The following CMYA5 variants were observed in gnomAD, a reference collection of about 807,000 sequenced individuals.
CMYA5 encodes cardiomyopathy associated 5.
Under a neutral mutation model 318.9 loss-of-function variants are expected in CMYA5, and 246 were observed. The observed-to-expected ratio is 0.77, with a 90% CI of 0.70 to 0.86. The LOEUF is 0.86. Among genes scored for constraint, CMYA5 ranks in the 40% least tolerant of loss-of-function variants. CMYA5 has a pLI of 0.00. For missense variants in CMYA5, 4,589 were observed against 4,678.2 expected (o/e 0.98, Z 0.56); for synonymous variants, 1,641 against 1,729.5 (o/e 0.95, Z 1.27).
chr5:79,790,916 G>T, intron 10 of CMYA5, 54 bp from the exon 11 acceptor site: 1 of 1,208,514 alleles, frequency 8.3e-7, no homozygotes, highest in South Asian at 1.3e-5. Flanking sequence ...TTAGCCTAGG[G>T]ACAGCACTGG....
Position 79,689,990 on chromosome 5 carries a change from C to A in CMYA5, c.83C>A (p.Thr28Asn). Residue 28 changes from threonine to asparagine, a missense_variant, in exon 1 of 13, where the codon ACC becomes AAC. Thr to Asn is a moderately conservative substitution (Grantham distance 65). Around this residue, in one of 3 missense-constraint regions of CMYA5, gnomAD observed 2,132 missense variants for 2,131.3 expected, o/e 1.00. Transcript: ENST00000446378. Reference sequence around the variant, plus strand: ...GAGGAGGCGACCCGGGAGCTGGAGACCGAGGAGGAGTCGGAGGGCGAGGAG... The same window carrying A: ...GAGGAGGCGACCCGGGAGCTGGAGAACGAGGAGGAGTCGGAGGGCGAGGAG... ...GDEEATRELE[T>N]EEESEGEEDE... 1 of 1,437,852 alleles carries A rather than the reference C, an allele frequency of 7.0e-7. No homozygotes were observed. The highest frequency in any genetic ancestry group is 9.5e-7 in the Non-Finnish European group (1 of 1,058,020). The allele number at this position is 1,437,852 out of a possible 1,614,324, so 89.1% of individuals were successfully genotyped here.
intron 1 of CMYA5, among the ~76,000 whole-genome samples, chr5:79,694,610 A>G (rs942080491): frequency 7.9e-5 from 12 of 152,274 alleles, no homozygotes; most frequent in African/African-American, 2.9e-4. Context: ...TCTATAAAAC[A>G]GGTCTGTCTA....
intron 6 of CMYA5, among the ~76,000 whole-genome samples, chr5:79,757,381 G>T (rs572417586): frequency 2.0e-4 from 30 of 152,188 alleles, no homozygotes; most frequent in Admixed American, 1.7e-3. Context: ...AAGTTTCTAG[G>T]AAAACATCCA....
At chr5:79,717,667 G>A (rs1220487283) in intron 1 of CMYA5, among the ~76,000 whole-genome samples, 3 of 152,194 alleles carry the variant, frequency 2.0e-5, no homozygotes, top group East Asian at 3.9e-4. Flanking sequence ...AATAGTAGAG[G>A]GCCCTAACTT....
At chr5:79,740,862 T>G (rs186438954) in intron 2 of CMYA5, among the ~76,000 whole-genome samples, 1 of 152,232 alleles carries the variant, frequency 6.6e-6, no homozygotes, top group African/African-American at 2.4e-5. Context: ...ATGCACTATT[T>G]TTTTGTTTTT....
At chr5:79,762,086 C>G in intron 8 of CMYA5, 129 bp downstream of exon 8, 1 of 1,050,966 alleles carries the variant, frequency 9.5e-7, no homozygotes, top group Non-Finnish European at 1.3e-6. Context: ...GCTGGTTATA[C>G]AACGATGACT....
Position 79,735,317 on chromosome 5 carries a change from C to T in CMYA5, c.6552C>T (p.Ser2184=), listed in dbSNP as rs1580772907. 6 of 1,613,802 alleles carry T rather than the reference C, an allele frequency of 3.7e-6. No homozygotes were observed. The East Asian group carries it at 1.3e-4, about 36-fold the overall frequency. Residue 2184 remains serine (S), a synonymous_variant, in exon 2 of 13, where the codon AGC becomes AGT. Coordinates refer to ENST00000446378, the MANE Select transcript of CMYA5 (RefSeq NM_153610.5). ...GISSFKSWMS[S]LFFGSSTPDN... is the part of the protein sequence containing the mutation. ...CATCTTTCAAATCGTGGATGTCCAG[C>T]TTGTTTTTTGGATCGAGCACTCCAG...
chr5:79,721,255 G>A (rs1244186573), intron 1 of CMYA5, among the ~76,000 whole-genome samples: 2 of 152,136 alleles, frequency 1.3e-5, no homozygotes, highest in African/African-American at 4.8e-5. Context: ...AAGCTAAGGT[G>A]AGAGAATTGC....
intron 1 of CMYA5, among the ~76,000 whole-genome samples, chr5:79,702,935 A>C (rs920323817): frequency 2.6e-5 from 4 of 152,104 alleles, no homozygotes; most frequent in African/African-American, 9.7e-5. Flanking sequence ...CTGCACATCT[A>C]TTTCTTTCCT....
At chr5:79,795,845 A>G (rs1043236813) in intron 12 of CMYA5, among the ~76,000 whole-genome samples, 15 of 152,144 alleles carry the variant, frequency 9.9e-5, no homozygotes, top group African/African-American at 3.6e-4. Flanking sequence ...CAGTTCCAAG[A>G]TCGTGCAAGT....
intron 9 of CMYA5, among the ~76,000 whole-genome samples, chr5:79,775,268 C>T (rs1580801204): frequency 1.3e-5 from 2 of 152,162 alleles, no homozygotes; most frequent in Non-Finnish European, 2.9e-5. Flanking sequence ...ACTTTGATCA[C>T]GTACAACACC....
chr5:79,787,443 C>T (rs958155348), intron 9 of CMYA5, among the ~76,000 whole-genome samples: 9 of 152,132 alleles, frequency 5.9e-5, no homozygotes, highest in African/African-American at 2.2e-4. Context: ...ACATCTACCC[C>T]AGAATAATAT....
At position 79,735,748 on chromosome 5, in the gene CMYA5, T is replaced by C. The variant is rs200427984; in HGVS notation, c.6983T>C (p.Val2328Ala). Residue 2328 changes from valine (V) to alanine (A), a missense_variant, in exon 2 of 13, where the codon GTT becomes GCT. Val to Ala is a moderately conservative substitution (Grantham distance 64, BLOSUM62 0). This residue lies in a region of CMYA5 where 2,431 missense variants were observed against 2,495.1 expected (regional missense o/e 0.97). Transcript: ENST00000446378. ...TATTCACTAATCGGTGAGAAATTGG[T>C]TATGGAAGAAGCCAAAACTATTGTT... Reference protein sequence around the residue: ...QSYSLIGEKLVMEEAKTIVPP... With the variant: ...QSYSLIGEKLAMEEAKTIVPP... 71 of 1,584,848 alleles carry C rather than the reference T, an allele frequency of 4.5e-5. 1 individual carries two copies. The African/African-American group carries it at 9.1e-4, about 20-fold the overall frequency.
rs187782967 is a variant in CMYA5 at position 79,715,761 on chromosome 5, T to G, written c.150-13154T>G. Among the ~76,000 whole-genome samples, 9 of 152,330 alleles carry G rather than the reference T, an allele frequency of 5.9e-5. No individual in the cohort carries two copies. In the East Asian group the frequency reaches 1.7e-3, roughly 29 times the overall value. On this transcript the variant is annotated intron_variant, in intron 1 of 12. Transcript: ENST00000446378. ...GCATTTCCTTTAAGAATACCAACTT[T>G]TATCTTTTTTGCATAATCTGGTTCA... is the stretch of plus-strand genomic sequence containing the variant.
Position 79,735,096 on chromosome 5 carries a change from A to G in CMYA5, c.6331A>G (p.Lys2111Glu), listed in dbSNP as rs754921443. 9 of 1,613,718 alleles carry G rather than the reference A, an allele frequency of 5.6e-6. No homozygotes were observed. The highest frequency in any genetic ancestry group is 1.7e-5 in the Admixed American group (1 of 59,966). The part of the protein sequence containing the change: ...PLEESKMVQS[K>E]VIDDADEGKK... The stretch of plus-strand genomic sequence containing the variant: ...GGAAGAATCAAAAATGGTTCAGTCA[A>G]AGGTTATTGATGATGCTGATGAGGG... Residue 2111 changes from lysine (K) to glutamate (E), a missense_variant, in exon 2 of 13, where the codon AAG becomes GAG. By Grantham distance (56) the Lys-to-Glu change is moderately conservative. Around this residue, in one of 3 missense-constraint regions of CMYA5, gnomAD observed 2,431 missense variants for 2,495.1 expected, o/e 0.97. Coordinates refer to ENST00000446378, the MANE Select transcript of CMYA5 (RefSeq NM_153610.5).
At position 79,729,661 on chromosome 5, in the gene CMYA5, T is replaced by C; in HGVS notation, c.896T>C (p.Val299Ala). ...AQSIEDKVKE[V>A]FPPWRGALSK... The stretch of plus-strand genomic sequence containing the variant: ...AGCATAGAGGATAAAGTAAAAGAGG[T>C]TTTTCCACCCTGGAGAGGCGCACTC... Residue 299 changes from valine to alanine, a missense_variant, in exon 2 of 13, where the codon GTT becomes GCT. Coordinates refer to ENST00000446378, the MANE Select transcript of CMYA5 (RefSeq NM_153610.5). 1 of 1,612,040 alleles carries C rather than the reference T, an allele frequency of 6.2e-7. No homozygotes were observed. The highest frequency in any genetic ancestry group is 8.5e-7 in the Non-Finnish European group (1 of 1,179,338).
intron 2 of CMYA5, among the ~76,000 whole-genome samples, chr5:79,740,979 C>A (rs76695328): frequency 0.052 from 7,864 of 152,170 alleles, 387 homozygotes; most frequent in East Asian, 0.25. Flanking sequence ...AGTGATCCCT[C>A]TACCTCAGCC....
At chr5:79,699,134 G>A (rs1023827964) in intron 1 of CMYA5, among the ~76,000 whole-genome samples, 2 of 151,990 alleles carry the variant, frequency 1.3e-5, no homozygotes, top group Admixed American at 1.3e-4. Context: ...CTCCAGCCTG[G>A]GCGAGAGAGT....
chr5:79,699,100 G>T (rs13175333), intron 1 of CMYA5, among the ~76,000 whole-genome samples: 144 of 152,318 alleles, frequency 9.5e-4, no homozygotes, highest in Non-Finnish European at 1.6e-3. Context: ...AGAGGTTGCA[G>T]TGAGCTGAGA....
Sources: gnomAD v4.1 joint callset for allele counts (sites outside exome capture counted in the v4.1 genomes callset) on GRCh38, gnomAD v4.1.1 for gene constraint, gnomAD v4.1.1 regional missense constraint, MANE v1.5 for transcripts, NCBI Gene and HGNC (gene_info 2026-07-23, HGNC 2026-07-21) for gene names.